Variants in COQ4 observed in about 807,000 individuals in gnomAD.
COQ4 encodes the protein coenzyme Q4.
Under a neutral mutation model 30.2 loss-of-function variants are expected in COQ4, and 36 were observed. The ratio of observed to expected loss-of-function variants is 1.19; its 90% CI spans 0.91 to 1.57. COQ4 has a LOEUF of 1.57. COQ4 is among the 40% of genes most tolerant of loss of function. The pLI, the probability that COQ4 is intolerant of heterozygous loss-of-function variation, is 0.00. For synonymous variants in COQ4, 197 were observed against 161.0 expected (o/e 1.22, Z -1.69); for missense variants, 369 against 371.9 (o/e 0.99, Z 0.07).
intron 4 of COQ4, 30 bp downstream of exon 4, chr9:128,325,911 G>A: frequency 6.4e-7 from 1 of 1,574,778 alleles, no homozygotes; most frequent in South Asian, 1.1e-5. Context: ...GTATCTGGCA[G>A]TCACCAGACA....
chr9:128,332,300 T>C lies in COQ4; in HGVS notation c.532+18T>C. The C allele has an allele frequency of 6.2e-7, 1 of 1,610,626 alleles. No individual in the cohort carries two copies. Among genetic ancestry groups the C allele is most frequent in the Non-Finnish European group, 8.5e-7 (1 of 1,179,180 alleles). ...CATCCTGGGTGAGTGCCCCCAACCC[T>C]GATGGCCTGTCTCCCTGGGGTGGCT... On this transcript the variant is annotated intron_variant, in intron 5 of 6. Coordinates refer to ENST00000300452, the MANE Select transcript of COQ4 (RefSeq NM_016035.5).
At chr9:128,327,709 TAGG>T (rs905259180) in intron 4 of COQ4, among the ~76,000 whole-genome samples, 13 of 151,568 alleles carry the variant, frequency 8.6e-5, no homozygotes, top group Admixed American at 2.6e-4. Context: ...GAGTTTGAGG[TAGG>T]AGGATCAGTT....
intron 4 of COQ4, among the ~76,000 whole-genome samples, chr9:128,327,294 T>G (rs1832338125): frequency 6.6e-6 from 1 of 151,408 alleles, no homozygotes; most frequent in Admixed American, 6.6e-5. Flanking sequence ...AATACAAAAA[T>G]TAGCTAGGTG....
intron 6 of COQ4, 39 bp downstream of exon 6, chr9:128,332,982 G>T (rs1465371676): frequency 1.8e-5 from 27 of 1,504,692 alleles, no homozygotes; most frequent in Non-Finnish European, 2.5e-5. Flanking sequence ...GGTTGAGGGT[G>T]GTATCAGGAC....
rs2240954 is a variant in COQ4, at chr9:128,333,053, C to T, written c.626+110C>T. On this transcript the variant is annotated intron_variant, in intron 6 of 6. Coordinates refer to ENST00000300452, the MANE Select transcript of COQ4 (RefSeq NM_016035.5). Reference sequence around the variant, plus strand: ...AGAGCACACGGGCCCCTGCACAGCCCGTTCCAGTTCTCCAGGAAGTAAGGG... The same window carrying T: ...AGAGCACACGGGCCCCTGCACAGCCTGTTCCAGTTCTCCAGGAAGTAAGGG... The T allele has an allele frequency of 0.068, 53,590 of 787,902 alleles. 2,954 individuals are homozygous for T. Among genetic ancestry groups the T allele is most frequent in the East Asian group, 0.22 (8,477 of 38,820 alleles). The allele number at this position is 787,902 out of a possible 1,614,324, so 48.8% of individuals were successfully genotyped here.
At chr9:128,331,979 T>A in intron 4 of COQ4, 174 bp from the exon 5 acceptor site, 1 of 645,388 alleles carries the variant, frequency 1.5e-6, no homozygotes, top group African/African-American at 1.8e-5. Flanking sequence ...TCCGCCCACC[T>A]TAGCCTCCCA....
chr9:128,325,849 G>C lies in COQ4; in HGVS notation c.370G>C (p.Gly124Arg), dbSNP rs776825296. Residue 124 changes from glycine (G) to arginine (R), a missense_variant, in exon 4 of 7, where the codon GGT becomes CGT. By Grantham distance (125) the Gly-to-Arg change is moderately radical. Coordinates refer to ENST00000300452, the MANE Select transcript of COQ4 (RefSeq NM_016035.5). Reference sequence around the variant, plus strand: ...CCAGAGCCTGCCGGAAGGCTCCCTCGGTCGCGAGTATCTCCGTTTCCTGGA... The same window carrying C: ...CCAGAGCCTGCCGGAAGGCTCCCTCCGTCGCGAGTATCTCCGTTTCCTGGA... ...KLQSLPEGSL[G>R]REYLRFLDVN... The C allele has an allele frequency of 1.2e-6, 2 of 1,614,170 alleles. No individual in the cohort carries two copies. Among genetic ancestry groups the C allele is most frequent in the Non-Finnish European group, 1.7e-6 (2 of 1,180,034 alleles).
At chr9:128,328,559 C>T (rs1241663214) in intron 4 of COQ4, among the ~76,000 whole-genome samples, 1 of 152,200 alleles carries the variant, frequency 6.6e-6, no homozygotes, top group African/African-American at 2.4e-5. Context: ...AGCACCCCCC[C>T]GTCAAGTTGT....
chr9:128,328,979 G>A (rs1832364442), intron 4 of COQ4, among the ~76,000 whole-genome samples: 2 of 152,318 alleles, frequency 1.3e-5, no homozygotes, highest in South Asian at 4.1e-4. Flanking sequence ...GAATGTGAAG[G>A]AGCACCTTTG....
chr9:128,323,388 T>C (rs1165688495), intron 2 of COQ4: 4 of 554,378 alleles, frequency 7.2e-6, no homozygotes, highest in Non-Finnish European at 1.3e-5. Flanking sequence ...TGGGAGAATC[T>C]GTCATGCAGC....
Position 128,325,253 on chromosome 9 carries a change from C to T in COQ4, c.299+14C>T, listed in dbSNP as rs759277069. 9 of 1,586,188 alleles carry T rather than the reference C, an allele frequency of 5.7e-6. No individual in the cohort carries two copies. The highest frequency in any genetic ancestry group is 5.4e-5 in the African/African-American group (4 of 74,324). On this transcript the variant is annotated intron_variant, in intron 3 of 6. Transcript: ENST00000300452. ...CCAGATCCTGCAGTAGGTCCCAGCT[C>T]TGCCTGGGGGTCTGGGGGCATTCTC... is the stretch of plus-strand genomic sequence containing the variant.
chr9:128,332,060 T>G, intron 4 of COQ4, 93 bp from the exon 5 acceptor site: 1 of 1,419,260 alleles, frequency 7.0e-7, no homozygotes, highest in East Asian at 2.5e-5. Context: ...AGGTATGAGT[T>G]AGGTGAGAGT....
intron 2 of COQ4, among the ~76,000 whole-genome samples, chr9:128,324,501 T>G (rs1042271768): frequency 6.6e-6 from 1 of 152,124 alleles, no homozygotes; most frequent in African/African-American, 2.4e-5. Context: ...ACTTCACAAA[T>G]TAAGACACTG....
At position 128,332,299 on chromosome 9, in the gene COQ4, C is replaced by G; in HGVS notation, c.532+17C>G. On this transcript the variant is annotated intron_variant, in intron 5 of 6. Coordinates refer to ENST00000300452, the MANE Select transcript of COQ4 (RefSeq NM_016035.5). ...ACATCCTGGGTGAGTGCCCCCAACC[C>G]TGATGGCCTGTCTCCCTGGGGTGGC... 1 of 1,610,998 alleles carries G rather than the reference C, an allele frequency of 6.2e-7. No homozygotes were observed. The highest frequency in any genetic ancestry group is 8.5e-7 in the Non-Finnish European group (1 of 1,179,388).
rs565198792 is a variant in COQ4, at chr9:128,325,178, C to T, written c.238C>T (p.Arg80Cys). The change falls in exon 3 of 7, where the codon CGC becomes TGC. Residue 80 changes from arginine (R) to cysteine (C), a missense_variant. Arg to Cys is a radical substitution (Grantham distance 180). Coordinates refer to ENST00000300452, the MANE Select transcript of COQ4 (RefSeq NM_016035.5). Reference protein sequence around the residue: ...VAVLGETTGHRTLKVLRDQMR... With the variant: ...VAVLGETTGHCTLKVLRDQMR... ...AGTTCTAGGGGAGACCACAGGACAC[C>T]GCACCCTGAAGGTCCTCAGGGACCA... The T allele has an allele frequency of 2.2e-5, 35 of 1,613,978 alleles. No individual in the cohort carries two copies. The highest frequency in any genetic ancestry group is 2.2e-4 in the Admixed American group (13 of 59,992).
chr9:128,328,293 C>T (rs1030524753), intron 4 of COQ4, among the ~76,000 whole-genome samples: 7 of 152,246 alleles, frequency 4.6e-5, no homozygotes, highest in African/African-American at 1.7e-4. Context: ...CCTTAGGATC[C>T]AGTTGGCCCA....
At position 128,332,229 on chromosome 9, in the gene COQ4, G is replaced by A. The variant is rs140284461; in HGVS notation, c.479G>A (p.Arg160Gln). ...EELAYVIQRY[R>Q]EVHDMLHTLL... is the part of the protein sequence containing the mutation. ...CTAGCGTATGTGATTCAGCGGTACCGGGAGGTGCACGACATGCTTCACACC... is the reference window on the plus strand; with the variant it reads ...CTAGCGTATGTGATTCAGCGGTACCAGGAGGTGCACGACATGCTTCACACC... Residue 160 changes from arginine (R) to glutamine (Q), a missense_variant, in exon 5 of 7, where the codon CGG becomes CAG. Transcript: ENST00000300452. The A allele has an allele frequency of 1.2e-5, 20 of 1,613,084 alleles. No individual in the cohort carries two copies. The highest frequency in any genetic ancestry group is 6.7e-5 in the East Asian group (3 of 44,862).
intron 2 of COQ4, 86 bp downstream of exon 2, chr9:128,323,233 C>A: frequency 7.4e-7 from 1 of 1,355,396 alleles, no homozygotes; most frequent in Non-Finnish European, 9.8e-7. Context: ...GTCGGGGTAC[C>A]CAAACCTGGT....
intron 2 of COQ4, among the ~76,000 whole-genome samples, chr9:128,324,333 C>G (rs1832280363): frequency 6.6e-6 from 1 of 152,040 alleles, no homozygotes; most frequent in African/African-American, 2.4e-5. Flanking sequence ...CCACGTTGCC[C>G]AGGCTGCTCT....
Sources: allele counts gnomAD v4.1 joint callset (sites outside exome capture counted in the v4.1 genomes callset), GRCh38; gene constraint gnomAD v4.1.1; transcripts MANE v1.5; gene names NCBI Gene and HGNC (gene_info 2026-07-23, HGNC 2026-07-21).